SRP68: variants seen among roughly 807,000 people sequenced by gnomAD.
SRP68 encodes the protein signal recognition particle 68.
In SRP68, 15 loss-of-function variants were observed where a neutral mutation model predicts 82.2. That is an observed-to-expected ratio of 0.18 (90% CI 0.12 to 0.28). SRP68 has a LOEUF of 0.28. Ranked by LOEUF, SRP68 falls within the 10% of genes least tolerant of loss-of-function variation. SRP68 has a pLI of 1.00. For synonymous variants in SRP68, 261 were observed against 292.6 expected (o/e 0.89, Z 1.10); for missense variants, 595 against 780.5 (o/e 0.76, Z 2.83).
chr17:76,068,165 C>A (rs1394439710), intron 2 of SRP68, among the ~76,000 whole-genome samples: 1 of 152,126 alleles, frequency 6.6e-6, no homozygotes, highest in Non-Finnish European at 1.5e-5. Context: ...GTGGCACATG[C>A]CTGTAATCCC....
chr17:76,044,067 C>T (rs545963497), intron 12 of SRP68, 109 bp from the exon 13 acceptor site: 31 of 1,285,062 alleles, frequency 2.4e-5, no homozygotes, highest in Non-Finnish European at 3.0e-5. Flanking sequence ...GGTTTCTTAA[C>T]GTGGGATCAC....
chr17:76,042,301 A>G (rs954101034), intron 13 of SRP68, among the ~76,000 whole-genome samples: 3 of 152,066 alleles, frequency 2.0e-5, no homozygotes, highest in Admixed American at 6.5e-5. Flanking sequence ...GAAGCTAGTT[A>G]TCGTTCAATA....
At chr17:76,061,904 C>T (rs533541901) in intron 4 of SRP68, among the ~76,000 whole-genome samples, 1 of 152,040 alleles carries the variant, frequency 6.6e-6, no homozygotes, top group Admixed American at 6.6e-5. Context: ...TTTGGGAGGC[C>T]GAGGCAGGAG....
chr17:76,050,601 T>G, intron 8 of SRP68, 75 bp from the exon 9 acceptor site: 3 of 1,017,514 alleles, frequency 2.9e-6, no homozygotes, highest in Non-Finnish European at 4.6e-6. Context: ...AGGAGCAAAA[T>G]CGCACATGGA....
chr17:76,070,875 C>A, intron 1 of SRP68, among the ~76,000 whole-genome samples: 1 of 151,666 alleles, frequency 6.6e-6, no homozygotes, highest in East Asian at 1.9e-4. Context: ...CACACACACA[C>A]ACACAAATTT....
chr17:76,072,484 G>A lies in SRP68; in HGVS notation c.8C>T (p.Ala3Val), dbSNP rs1387746109. The change falls in exon 1 of 16, where the codon GCT becomes GTT. Residue 3 changes from alanine (A) to valine (V), a missense_variant. This residue lies in a region of SRP68 where 100 missense variants were observed against 91.9 expected (regional missense o/e 1.09). Coordinates refer to ENST00000307877, the MANE Select transcript of SRP68 (RefSeq NM_014230.4). This position sits in a 1 kb window ranked among gnomAD's most constrained non-coding sequence, Gnocchi z 4.5. MA[A>V]EKQVPGGGGG... ...GCCGCCGCCTGGGACCTGCTTCTCA[G>A]CAGCCATCTTGCCCCTGCGCCGCAG... is the stretch of plus-strand genomic sequence containing the variant. The A allele has an allele frequency of 1.3e-6, 2 of 1,583,244 alleles. No individual in the cohort carries two copies. The highest frequency in any genetic ancestry group is 1.7e-6 in the Non-Finnish European group (2 of 1,172,512).
chr17:76,040,289 G>T, intron 15 of SRP68, 130 bp downstream of exon 15: 1 of 869,408 alleles, frequency 1.2e-6, no homozygotes, highest in Non-Finnish European at 1.9e-6. Context: ...CTTTGAGGTT[G>T]GGTAAGAGAA....
intron 12 of SRP68, 140 bp from the exon 13 acceptor site, chr17:76,044,098 G>A (rs1018000580): frequency 7.4e-6 from 7 of 940,924 alleles, no homozygotes; most frequent in African/African-American, 1.7e-5. Context: ...CCCCCTTCAT[G>A]GGAAGTGTTC....
Position 76,039,259 on chromosome 17 carries a change from T to C in SRP68, c.*447A>G. 2 of 447,216 alleles carry C rather than the reference T, an allele frequency of 4.5e-6. No homozygotes were observed. Among genetic ancestry groups the C allele is most frequent in the South Asian group, 1.6e-5 (1 of 63,918 alleles). 27.7% of individuals were successfully genotyped at this position (447,216 alleles called of 1,614,324 possible). ...GGCTGACCGTAATTCTGGGGTGACGTTGCCAGTTTCATAGTCATAGATAAA... is the reference window on the plus strand; with the variant it reads ...GGCTGACCGTAATTCTGGGGTGACGCTGCCAGTTTCATAGTCATAGATAAA... On this transcript the variant is annotated 3_prime_UTR_variant, in exon 16 of 16. Transcript: ENST00000307877.
rs1341801300 is a variant in SRP68, at chr17:76,039,901, C to T, written c.1689G>A (p.Leu563=). ...PLVERFETFC[L]DPSLVTKQAN... ...CTTGCTTGGTGACAAGGGAAGGGTC[C>T]AGGCAGAATGTCTCAAACCGTTCAA... Residue 563 remains leucine, a synonymous_variant, in exon 16 of 16, where the codon CTG becomes CTA. Coordinates refer to ENST00000307877, the MANE Select transcript of SRP68 (RefSeq NM_014230.4). 3.1e-6 allele frequency: 5 copies of T among 1,614,190 alleles called. No homozygotes were observed. In the South Asian group the frequency reaches 4.4e-5, roughly 14 times the overall value.
chr17:76,059,998 C>T (rs962500908), intron 7 of SRP68, among the ~76,000 whole-genome samples: 8 of 149,842 alleles, frequency 5.3e-5, no homozygotes, highest in African/African-American at 1.2e-4. Flanking sequence ...TGGTGGCAGG[C>T]GGCTGTAGTC....
At chr17:76,055,179 C>T (rs1181165579) in intron 8 of SRP68, among the ~76,000 whole-genome samples, 6 of 151,876 alleles carry the variant, frequency 4.0e-5, no homozygotes, top group Non-Finnish European at 5.9e-5. Flanking sequence ...CCAGGCTGGT[C>T]TCATTTCGAA....
In SRP68 at chr17:76,039,844, C is replaced by G. The variant is rs964640826; in HGVS notation, c.1746G>C (p.Gln582His). 1.1e-5 allele frequency: 17 copies of G among 1,614,108 alleles called. No homozygotes were observed. Among genetic ancestry groups the G allele is most frequent in the Non-Finnish European group, 1.4e-5 (17 of 1,180,054 alleles). Residue 582 changes from glutamine to histidine, a missense_variant, in exon 16 of 16, where the codon CAG becomes CAC. Coordinates refer to ENST00000307877, the MANE Select transcript of SRP68 (RefSeq NM_014230.4). ...AGAACAAAGGCTTGCAGGGAATGGG[C>G]TGGAAGCCTGGTGGGAAGTGCACAA... ...ANLVHFPPGF[Q>H]PIPCKPLFFD...
At position 76,070,448 on chromosome 17, in the gene SRP68, G is replaced by A. The variant is rs374531751; in HGVS notation, c.185-4C>T. On this transcript the variant is annotated splice_polypyrimidine_tract_variant and splice_region_variant and intron_variant, in intron 1 of 15. Coordinates refer to ENST00000307877, the MANE Select transcript of SRP68 (RefSeq NM_014230.4). ...GATTCCTTAATAATCTGAAGAACTAGAGTCGAGATTAAGGAAAATCTTACC... is the reference window on the plus strand; with the variant it reads ...GATTCCTTAATAATCTGAAGAACTAAAGTCGAGATTAAGGAAAATCTTACC... The A allele has an allele frequency of 6.2e-7, 1 of 1,613,524 alleles. No individual in the cohort carries two copies. Among genetic ancestry groups the A allele is most frequent in the South Asian group, 1.1e-5 (1 of 91,072 alleles).
chr17:76,057,649 T>C, intron 7 of SRP68, 106 bp from the exon 8 acceptor site: 2 of 1,249,890 alleles, frequency 1.6e-6, no homozygotes, highest in Non-Finnish European at 2.3e-6. Flanking sequence ...CAACATATTA[T>C]ACTCCATAGA....
chr17:76,048,025 G>GACCA, intron 9 of SRP68, 55 bp from the exon 10 acceptor site: 1 of 1,270,554 alleles, frequency 7.9e-7, no homozygotes, highest in Non-Finnish European at 1.1e-6. Flanking sequence ...CCATCGCTCT[G>GACCA]ACCACCTCAT....
Position 76,057,552 on chromosome 17 carries a change from T to C in SRP68, c.838-9A>G, listed in dbSNP as rs1270612208. 4.3e-6 allele frequency: 7 copies of C among 1,613,786 alleles called. No individual in the cohort carries two copies. Among genetic ancestry groups the C allele is most frequent in the South Asian group, 3.3e-5 (3 of 91,066 alleles). ...GTCTGAGTGATCAAAGCCTGAAAAA[T>C]AGTTTAAAAAAGTTAAAGCTTTAAC... On this transcript the variant is annotated splice_polypyrimidine_tract_variant and intron_variant, in intron 7 of 15. Coordinates refer to ENST00000307877, the MANE Select transcript of SRP68 (RefSeq NM_014230.4).
Position 76,039,020 on chromosome 17 carries a change from A to G in SRP68, c.*686T>C. Reference sequence around the variant, plus strand: ...TTGCCGGTAAGTCAGGTTACACTTGACCTCACCGGCTTCACGCAACTAGGC... The same window carrying G: ...TTGCCGGTAAGTCAGGTTACACTTGGCCTCACCGGCTTCACGCAACTAGGC... On this transcript the variant is annotated 3_prime_UTR_variant, in exon 16 of 16. Coordinates refer to ENST00000307877, the MANE Select transcript of SRP68 (RefSeq NM_014230.4). The G allele has an allele frequency of 4.9e-6, 1 of 205,568 alleles. No homozygotes were observed. Among genetic ancestry groups the G allele is most frequent in the East Asian group, 1.1e-4 (1 of 9,030 alleles). The allele number at this position is 205,568 out of a possible 1,614,324, so 12.7% of individuals were successfully genotyped here.
At chr17:76,048,557 G>A (rs968408943) in intron 9 of SRP68, 5 of 152,356 alleles carry the variant, frequency 3.3e-5, no homozygotes. Context: ...CGGAAGCAGA[G>A]GGGAGAGGAG....
Sources: allele counts gnomAD v4.1 joint callset (sites outside exome capture counted in the v4.1 genomes callset), GRCh38; gene constraint gnomAD v4.1.1; regional missense constraint gnomAD v4.1.1; non-coding constraint Gnocchi (gnomAD v3.1); transcripts MANE v1.5; gene names NCBI Gene and HGNC (gene_info 2026-07-23, HGNC 2026-07-21).